PSD3: variants seen among roughly 807,000 people sequenced by gnomAD.
The protein encoded by PSD3 is pleckstrin and Sec7 domain containing 3.
PSD3 carries 49 observed loss-of-function variants against 105.5 expected under a neutral mutation model. The observed-to-expected ratio is 0.46, with a 90% CI of 0.37 to 0.59. PSD3 has a LOEUF of 0.59. Ranked by LOEUF, PSD3 falls within the 20% of genes least tolerant of loss-of-function variation. The probability of loss-of-function intolerance (pLI) is 0.00; values close to 1 mark genes in which losing one functional copy is unlikely to be tolerated. For synonymous variants in PSD3, 557 were observed against 457.8 expected, an observed-to-expected ratio of 1.22 and a Z score of -2.77; for missense variants, 1,561 against 1,263.8, an observed-to-expected ratio of 1.24 and a Z score of -3.57.
chr8:18,936,124 C>G lies in PSD3; in HGVS notation c.40G>C (p.Val14Leu). The G allele has an allele frequency of 1.2e-6, 2 of 1,611,858 alleles. No individual in the cohort carries two copies. Among genetic ancestry groups the G allele is most frequent in the Non-Finnish European group, 1.7e-6 (2 of 1,178,982 alleles). Reference sequence around the variant, plus strand: ...TGGGAATGTGCAGATGCATTGTTCACCCAAACAAATGTCTCTGCCTGCAAA... The same window carrying G: ...TGGGAATGTGCAGATGCATTGTTCAGCCAAACAAATGTCTCTGCCTGCAAA... The part of the protein sequence containing the change: ...RSAAAETFVW[V>L]NNASAHSQSV... The change falls in exon 2 of 16, where the codon GTG becomes CTG. Residue 14 changes from valine to leucine, a missense_variant. Val to Leu is a conservative substitution (Grantham distance 32). Transcript: ENST00000327040.
At chr8:18,607,716 A>AGTCAGGT (rs1359689543) in intron 11 of PSD3, among the ~76,000 whole-genome samples, 1 of 149,796 alleles carries the variant, frequency 6.7e-6, no homozygotes, top group Non-Finnish European at 1.5e-5. Flanking sequence ...AAAAAAAGGA[A>AGTCAGGT]GTCAGGTGTA....
At chr8:18,975,205 C>T (rs1483748640) in intron 1 of PSD3, among the ~76,000 whole-genome samples, 2 of 152,026 alleles carry the variant, frequency 1.3e-5, no homozygotes, top group South Asian at 2.1e-4. Context: ...CCGTTTTCTA[C>T]ATCCCTAATA....
intron 10 of PSD3, among the ~76,000 whole-genome samples, chr8:18,640,249 C>T (rs1807547832): frequency 1.3e-5 from 2 of 152,102 alleles, no homozygotes; most frequent in Admixed American, 1.3e-4. Context: ...TAAGTGTAGG[C>T]TAAATACTGC....
rs1366146828 is a variant in PSD3, at chr8:18,624,605, G to A, written c.2410+8008C>T. Among the ~76,000 whole-genome samples, 5 of 147,752 alleles carry A rather than the reference G, an allele frequency of 3.4e-5. No individual in the cohort carries two copies. In the East Asian group the frequency reaches 8.1e-4, roughly 24 times the overall value. ...AATGCTAAATGACGAGTTAATGGGT[G>A]CAGCACACCAGCATGGCACATGTAT... On this transcript the variant is annotated intron_variant, in intron 11 of 15. Transcript: ENST00000327040.
At chr8:18,660,139 G>A (rs1187630074) in intron 9 of PSD3, among the ~76,000 whole-genome samples, 1 of 152,150 alleles carries the variant, frequency 6.6e-6, no homozygotes, top group African/African-American at 2.4e-5. Flanking sequence ...TTGAGATGGG[G>A]AACGTACGTG....
At chr8:18,586,910 T>G in intron 12 of PSD3, among the ~76,000 whole-genome samples, 1 of 152,090 alleles carries the variant, frequency 6.6e-6, no homozygotes. Flanking sequence ...AGAGCCTGAG[T>G]GTGCTAGTGA....
At chr8:18,801,485 C>G in intron 6 of PSD3, 103 bp from the exon 7 acceptor site, 2 of 656,738 alleles carry the variant, frequency 3.0e-6, no homozygotes, top group East Asian at 2.9e-5. Context: ...ATTAATTATA[C>G]AAAGTAAGAT....
At chr8:18,552,513 A>C (rs1318498114) in intron 15 of PSD3, among the ~76,000 whole-genome samples, 1 of 152,186 alleles carries the variant, frequency 6.6e-6, no homozygotes, top group African/African-American at 2.4e-5. Context: ...TTTCCAGAAC[A>C]GCTCAACCAA....
intron 2 of PSD3, among the ~76,000 whole-genome samples, chr8:18,913,289 A>G (rs2129464795): frequency 6.6e-6 from 1 of 151,532 alleles, no homozygotes; most frequent in East Asian, 1.9e-4. Context: ...TCCCTTCTCT[A>G]TCTCGGGTTG....
intron 4 of PSD3, among the ~76,000 whole-genome samples, chr8:18,855,742 G>A (rs1815958236): frequency 6.6e-6 from 1 of 152,194 alleles, no homozygotes; most frequent in Non-Finnish European, 1.5e-5. Context: ...CTAAAGGAAT[G>A]ATAAACATCA....
intron 9 of PSD3, among the ~76,000 whole-genome samples, chr8:18,656,888 C>A (rs1045808650): frequency 8.1e-4 from 123 of 152,224 alleles, no homozygotes; most frequent in African/African-American, 2.9e-3. Context: ...TCTGGCTTTA[C>A]CTTTGAATTT....
At chr8:18,810,588 C>T (rs1586087685) in intron 4 of PSD3, among the ~76,000 whole-genome samples, 1 of 151,946 alleles carries the variant, frequency 6.6e-6, no homozygotes, top group South Asian at 2.1e-4. Context: ...AAAACTAGGA[C>T]CAAAAAGAAG....
intron 15 of PSD3, 114 bp downstream of exon 15, chr8:18,556,095 G>C (rs1801052712): frequency 1.5e-6 from 2 of 1,294,144 alleles, no homozygotes; most frequent in Admixed American, 2.4e-5. Context: ...CCAAATTAGA[G>C]CCAGGGGCAA....
intron 9 of PSD3, among the ~76,000 whole-genome samples, chr8:18,681,744 T>G (rs6988943): frequency 0.16 from 24,783 of 151,964 alleles, 4,247 homozygotes; most frequent in African/African-American, 0.42. Flanking sequence ...GAATATTCTA[T>G]TCTACTGATT....
At chr8:18,637,782 A>G (rs559192469) in intron 10 of PSD3, among the ~76,000 whole-genome samples, 2 of 152,320 alleles carry the variant, frequency 1.3e-5, no homozygotes, top group South Asian at 4.2e-4. Flanking sequence ...AAAATACAGT[A>G]CTGCCAGTCT....
rs972564409 is a variant in PSD3, at chr8:19,068,482, G to T, written c.324+15724C>A. Reference sequence around the variant, plus strand: ...TTTTGTTTGTTTTTTGTAGAGACAAGGTTTCACTATGTTGTCTAAGCTGGT... The same window carrying T: ...TTTTGTTTGTTTTTTGTAGAGACAATGTTTCACTATGTTGTCTAAGCTGGT... On this transcript the variant is annotated intron_variant, in intron 1 of 1. Coordinates refer to the PSD3 transcript ENST00000521475. Among the ~76,000 whole-genome samples, 3 of 152,154 alleles carry T rather than the reference G, an allele frequency of 2.0e-5. No individual in the cohort carries two copies. The South Asian group carries it at 6.2e-4, about 32-fold the overall frequency.
rs181761394 is a variant in PSD3, at chr8:18,929,659, A to G, written c.130+6375T>C. ...AGCCAGAGCAACTCCACCTGTCTATATCTGGGAACCCAAACTTTCATTCAT... is the reference window on the plus strand; with the variant it reads ...AGCCAGAGCAACTCCACCTGTCTATGTCTGGGAACCCAAACTTTCATTCAT... On this transcript the variant is annotated intron_variant, in intron 2 of 15. Transcript: ENST00000327040. Among the ~76,000 whole-genome samples the G allele has an allele frequency of 3.2e-3, 494 of 152,274 alleles. 4 individuals carry two copies. Among genetic ancestry groups the G allele is most frequent in the Non-Finnish European group, 4.1e-3 (280 of 68,028 alleles).
chr8:18,875,202 C>T (rs1314699996), intron 2 of PSD3, among the ~76,000 whole-genome samples: 1 of 152,124 alleles, frequency 6.6e-6, no homozygotes, highest in Non-Finnish European at 1.5e-5. Context: ...AGCCACCATG[C>T]CTGGCCTGAA....
intron 15 of PSD3, among the ~76,000 whole-genome samples, chr8:18,538,763 G>T (rs532279090): frequency 9.2e-5 from 14 of 152,126 alleles, no homozygotes; most frequent in Non-Finnish European, 1.8e-4. Flanking sequence ...ATGAAGGAAA[G>T]CCATCTCATC....
Sources: allele counts gnomAD v4.1 joint callset (sites outside exome capture counted in the v4.1 genomes callset), GRCh38; gene constraint gnomAD v4.1.1; transcripts MANE v1.5; gene names NCBI Gene and HGNC (gene_info 2026-07-23, HGNC 2026-07-21).